Variants in FSTL5 observed in about 807,000 individuals in gnomAD.
The protein encoded by FSTL5 is follistatin like 5.
In FSTL5, 62 loss-of-function variants were observed where a neutral mutation model predicts 89.1. The ratio of observed to expected loss-of-function variants is 0.70; its 90% CI spans 0.57 to 0.86. The LOEUF is 0.86. Ranked by LOEUF, FSTL5 falls within the 40% of genes least tolerant of loss-of-function variation. The pLI, the probability that FSTL5 is intolerant of heterozygous loss-of-function variation, is 0.00. For synonymous variants in FSTL5, 383 were observed against 346.2 expected, an observed-to-expected ratio of 1.11 and a Z score of -1.18; for missense variants, 1,057 against 1,001.6, an observed-to-expected ratio of 1.06 and a Z score of -0.75.
At chr4:161,920,686 G>T in intron 3 of FSTL5, 34 bp from the exon 4 acceptor site, 1 of 1,579,592 alleles carries the variant, frequency 6.3e-7, no homozygotes, top group East Asian at 2.2e-5. Context: ...AAATCGTTTG[G>T]TTCATTTGTC....
intron 15 of FSTL5, among the ~76,000 whole-genome samples, chr4:161,394,419 A>T (rs1730931126): frequency 1.3e-5 from 2 of 151,960 alleles, no homozygotes; most frequent in South Asian, 4.2e-4. Flanking sequence ...GGGATCACAG[A>T]GGCGTGCCAC....
chr4:161,467,112 T>C (rs1275112762), intron 13 of FSTL5, among the ~76,000 whole-genome samples: 1 of 152,116 alleles, frequency 6.6e-6, no homozygotes, highest in Non-Finnish European at 1.5e-5. Flanking sequence ...TTTCAATAAC[T>C]GTAACATTAT....
intron 5 of FSTL5, among the ~76,000 whole-genome samples, chr4:161,766,861 T>C (rs1439048500): frequency 2.0e-5 from 3 of 151,924 alleles, no homozygotes; most frequent in Non-Finnish European, 2.9e-5. Flanking sequence ...ATATAAAAGA[T>C]AGATGGATAT....
chr4:161,979,754 T>G (rs1735762157), intron 3 of FSTL5, among the ~76,000 whole-genome samples: 1 of 152,306 alleles, frequency 6.6e-6, no homozygotes, highest in South Asian at 2.1e-4. Flanking sequence ...ACAACATATC[T>G]ATTGCTGCCC....
intron 4 of FSTL5, among the ~76,000 whole-genome samples, chr4:161,809,184 A>C (rs1264175941): frequency 6.6e-6 from 1 of 152,136 alleles, no homozygotes; most frequent in Non-Finnish European, 1.5e-5. Flanking sequence ...GCGCCACTTC[A>C]CTCCAGCCTG....
At chr4:161,842,619 T>C (rs551946433) in intron 4 of FSTL5, among the ~76,000 whole-genome samples, 1 of 152,218 alleles carries the variant, frequency 6.6e-6, no homozygotes, top group South Asian at 2.1e-4. Flanking sequence ...CTTTAAAAAA[T>C]AGTCTATTTA....
Position 161,861,147 on chromosome 4 carries a change from G to T in FSTL5, c.409+59257C>A, listed in dbSNP as rs139361492. Among the ~76,000 whole-genome samples the T allele has an allele frequency of 3.0e-3, 462 of 152,270 alleles. 5 individuals carry two copies. The highest frequency in any genetic ancestry group is 0.01 in the African/African-American group (434 of 41,558). Reference sequence around the variant, plus strand: ...TGTCATAAATCCTAAATGCAGCCAGGCATGATGGCTCACGTCTGTAATCCC... The same window carrying T: ...TGTCATAAATCCTAAATGCAGCCAGTCATGATGGCTCACGTCTGTAATCCC... On this transcript the variant is annotated intron_variant, in intron 4 of 15. Transcript: ENST00000306100.
chr4:162,040,358 T>A (rs926398451), intron 2 of FSTL5, among the ~76,000 whole-genome samples: 1 of 152,102 alleles, frequency 6.6e-6, no homozygotes, highest in Admixed American at 6.6e-5. Flanking sequence ...CAGTCTCCAA[T>A]AATCCCACAA....
intron 3 of FSTL5, among the ~76,000 whole-genome samples, chr4:161,983,687 A>G (rs1735887302): frequency 6.6e-6 from 1 of 152,184 alleles, no homozygotes; most frequent in African/African-American, 2.4e-5. Context: ...ACTCATTTAT[A>G]CATCAAAAAT....
rs138820052 is a variant in FSTL5, at chr4:162,005,523, T to G, written c.160+28102A>C. Among the ~76,000 whole-genome samples, 1,422 of 152,118 alleles carry G rather than the reference T, an allele frequency of 9.3e-3. 14 individuals carry two copies. Among genetic ancestry groups the G allele is most frequent in the Non-Finnish European group, 0.016 (1,077 of 67,966 alleles). On this transcript the variant is annotated intron_variant, in intron 3 of 15. Transcript: ENST00000306100. ...AATGTGAGTCAAATGGGAAAACCAGTGAGACGGGAATGGGATCCCAAGAAA... is the reference window on the plus strand; with the variant it reads ...AATGTGAGTCAAATGGGAAAACCAGGGAGACGGGAATGGGATCCCAAGAAA...
intron 3 of FSTL5, among the ~76,000 whole-genome samples, chr4:162,018,635 G>C (rs184627764): frequency 3.2e-5 from 3 of 92,512 alleles, no homozygotes; most frequent in Non-Finnish European, 6.3e-5. Flanking sequence ...GTGTCCGATA[G>C]CTTTACATTT....
chr4:161,914,291 A>T (rs953174450), intron 4 of FSTL5, among the ~76,000 whole-genome samples: 3 of 152,214 alleles, frequency 2.0e-5, no homozygotes, highest in Non-Finnish European at 4.4e-5. Flanking sequence ...CTTGAAACTA[A>T]GAAAAAAGAA....
At chr4:161,446,083 A>G (rs1180082075) in intron 15 of FSTL5, among the ~76,000 whole-genome samples, 1 of 151,986 alleles carries the variant, frequency 6.6e-6, no homozygotes, top group Non-Finnish European at 1.5e-5. Context: ...AACTCAACTA[A>G]AAAGATACAA....
chr4:161,790,334 G>A (rs1159312413), intron 4 of FSTL5, among the ~76,000 whole-genome samples: 1 of 152,180 alleles, frequency 6.6e-6, no homozygotes, highest in Non-Finnish European at 1.5e-5. Flanking sequence ...AAAGCTATGG[G>A]AGCAAGTATA....
At chr4:161,984,736 G>A (rs999946561) in intron 3 of FSTL5, among the ~76,000 whole-genome samples, 1 of 152,016 alleles carries the variant, frequency 6.6e-6, no homozygotes, top group African/African-American at 2.4e-5. Flanking sequence ...AATAATCAAT[G>A]TGTGCTTATT....
At chr4:161,767,530 G>T (rs1359868549) in intron 5 of FSTL5, among the ~76,000 whole-genome samples, 1 of 152,110 alleles carries the variant, frequency 6.6e-6, no homozygotes. Flanking sequence ...TTTTACAACA[G>T]CCCCAAAGAG....
intron 7 of FSTL5, among the ~76,000 whole-genome samples, chr4:161,639,834 T>C (rs1310495451): frequency 6.6e-6 from 1 of 152,208 alleles, no homozygotes; most frequent in Non-Finnish European, 1.5e-5. Context: ...ATCGTGCTTC[T>C]GATCCCACAG....
chr4:162,006,923 T>C (rs963413888), intron 3 of FSTL5, among the ~76,000 whole-genome samples: 2 of 152,040 alleles, frequency 1.3e-5, no homozygotes, highest in Non-Finnish European at 2.9e-5. Context: ...GAAAATATTA[T>C]TTTGTTAAGT....
At chr4:161,940,018 A>C (rs942892250) in intron 3 of FSTL5, among the ~76,000 whole-genome samples, 1 of 151,898 alleles carries the variant, frequency 6.6e-6, no homozygotes, top group African/African-American at 2.4e-5. Context: ...CCAGCTCAGC[A>C]GTGGTGCTGA....
Sources: gnomAD v4.1 joint callset for allele counts (sites outside exome capture counted in the v4.1 genomes callset) on GRCh38, gnomAD v4.1.1 for gene constraint, MANE v1.5 for transcripts, NCBI Gene and HGNC (gene_info 2026-07-23, HGNC 2026-07-21) for gene names.